Variants in SPATA22 observed in about 807,000 individuals in gnomAD.
The protein encoded by SPATA22 is spermatogenesis associated 22, also known as spermatogenesis-associated protein 22.
In SPATA22, 29 loss-of-function variants were observed where a neutral mutation model predicts 47.8. The observed-to-expected ratio is 0.61, with a 90% CI of 0.45 to 0.83. The LOEUF is 0.83. SPATA22 is among the 40% of genes least tolerant of loss of function. SPATA22 has a pLI of 0.00. For missense variants in SPATA22, 410 were observed against 421.7 expected, an observed-to-expected ratio of 0.97 and a Z score of 0.24; for synonymous variants, 133 against 140.9, an observed-to-expected ratio of 0.94 and a Z score of 0.40.
chr17:3,496,922 C>T (rs1026503637), intron 1 of SPATA22, among the ~76,000 whole-genome samples: 8 of 152,056 alleles, frequency 5.3e-5, no homozygotes, highest in East Asian at 1.9e-4. Context: ...AAAAATTAGC[C>T]GGGCATGGTG....
chr17:3,467,619 A>C (rs950481741), intron 2 of SPATA22, 65 bp from the exon 3 acceptor site: 1 of 1,339,570 alleles, frequency 7.5e-7, no homozygotes, highest in African/African-American at 1.5e-5. Flanking sequence ...TTGTAAAATA[A>C]TTACTAGTAT....
intron 3 of SPATA22, among the ~76,000 whole-genome samples, chr17:3,464,813 C>G (rs529388867): frequency 8.2e-6 from 1 of 121,298 alleles, no homozygotes; most frequent in Admixed American, 9.2e-5. Flanking sequence ...GTGAGGAGCC[C>G]CTCCGCCCGG....
intron 1 of SPATA22, among the ~76,000 whole-genome samples, chr17:3,494,648 G>A (rs1308460742): frequency 6.6e-6 from 1 of 152,168 alleles, no homozygotes; most frequent in African/African-American, 2.4e-5. Context: ...TGTGCTGGCT[G>A]TGTGGACACA....
chr17:3,508,513 A>G (rs1289990201), intron 1 of SPATA22, among the ~76,000 whole-genome samples: 9 of 148,856 alleles, frequency 6.0e-5, no homozygotes, highest in Non-Finnish European at 1.2e-4. Flanking sequence ...ATGTCCAACA[A>G]TGATAGACTG....
chr17:3,507,209 T>C (rs2074049037), intron 1 of SPATA22, among the ~76,000 whole-genome samples: 1 of 152,108 alleles, frequency 6.6e-6, no homozygotes, highest in African/African-American at 2.4e-5. Context: ...AGTATGATGG[T>C]TTTGAAATAA....
At chr17:3,498,973 G>A (rs1431542483) in intron 1 of SPATA22, 2 of 1,614,012 alleles carry the variant, frequency 1.2e-6, no homozygotes, top group Non-Finnish European at 1.7e-6. Flanking sequence ...GGCGGAGACT[G>A]TACCGTGTAC....
rs2073669074 is a variant in SPATA22, at chr17:3,483,501, TTCTCTGGCTCCAC to T, written c.-73-14116_-73-14104del. On this transcript the variant is annotated intron_variant, in intron 1 of 8. Transcript: ENST00000541913. ...AAGACGTTTTTGATTTTTTTCAGAC[TTCTCTGGCTCCAC>T]TACCCTGCTACGTTTATCTGATTGA... 6.2e-7 allele frequency: 1 copy of T among 1,613,902 alleles called. No homozygotes were observed. Among genetic ancestry groups the T allele is most frequent in the Middle Eastern group, 1.6e-4 (1 of 6,062 alleles).
chr17:3,496,255 T>C (rs2073905866), intron 1 of SPATA22, among the ~76,000 whole-genome samples: 1 of 152,236 alleles, frequency 6.6e-6, no homozygotes, highest in Non-Finnish European at 1.5e-5. Context: ...AGGTTCCTCA[T>C]GGAGCTTCCA....
intron 1 of SPATA22, among the ~76,000 whole-genome samples, chr17:3,491,816 G>C (rs2073830366): frequency 6.6e-6 from 1 of 151,670 alleles, no homozygotes; most frequent in African/African-American, 2.4e-5. Context: ...GTGACCCAGA[G>C]GGCAGAAGAG....
chr17:3,480,438 T>A (rs1401144840), intron 1 of SPATA22, among the ~76,000 whole-genome samples: 1 of 152,084 alleles, frequency 6.6e-6, no homozygotes, highest in Non-Finnish European at 1.5e-5. Context: ...TCATAGGGAG[T>A]TGGAGCTGTC....
At chr17:3,513,673 C>T (rs1261444726) in exon 1 of SPATA22, 2 of 425,312 alleles carry the variant, frequency 4.7e-6, no homozygotes, top group Admixed American at 7.6e-5. Context: ...CTCCAGACTG[C>T]TGCTGGCTGT....
At chr17:3,443,050 A>C in intron 8 of SPATA22, 124 bp downstream of exon 8, 1 of 659,162 alleles carries the variant, frequency 1.5e-6, no homozygotes, top group East Asian at 3.0e-5. Flanking sequence ...CTTTCATATC[A>C]GAACTAAAAC....
At chr17:3,505,282 T>A (rs11653068) in intron 1 of SPATA22, among the ~76,000 whole-genome samples, 1 of 152,142 alleles carries the variant, frequency 6.6e-6, no homozygotes, top group Non-Finnish European at 1.5e-5. Context: ...AGTTATTGTC[T>A]GTCTCTGATT....
chr17:3,449,309 G>A (rs536057129), intron 5 of SPATA22, among the ~76,000 whole-genome samples, 160 bp from the exon 6 acceptor site: 8 of 152,188 alleles, frequency 5.3e-5, no homozygotes, highest in Admixed American at 3.9e-4. Flanking sequence ...ACCCTACAAT[G>A]TTGTACTACC....
At chr17:3,446,449 T>C in intron 7 of SPATA22, 23 bp downstream of exon 7, 1 of 1,592,346 alleles carries the variant, frequency 6.3e-7, no homozygotes, top group Non-Finnish European at 8.5e-7. Flanking sequence ...ATTACTGAAG[T>C]ATTTTTAAAG....
upstream of SPATA22, among the ~76,000 whole-genome samples, chr17:3,472,629 A>G (rs889009233): frequency 3.3e-5 from 5 of 152,222 alleles, no homozygotes; most frequent in African/African-American, 1.2e-4. Context: ...TTTATCCGGA[A>G]CTTACTATGG....
At chr17:3,483,429 G>T in intron 1 of SPATA22, 1 of 1,317,356 alleles carries the variant, frequency 7.6e-7, no homozygotes, top group South Asian at 1.2e-5. Flanking sequence ...AGGTATTATT[G>T]ACTCTGTTGA....
At chr17:3,455,537 AT>A (rs1211577961) in intron 5 of SPATA22, among the ~76,000 whole-genome samples, 1 of 143,032 alleles carries the variant, frequency 7.0e-6, no homozygotes, top group Non-Finnish European at 1.5e-5. Context: ...TCCCAGCACC[AT>A]TTATTAAATA....
rs1317384914 is a variant in SPATA22, at chr17:3,461,605, G to A, written c.329+878C>T. 2.0e-5 allele frequency among the ~76,000 whole-genome samples: 3 copies of A among 151,968 alleles called. No homozygotes were observed. The East Asian group carries it at 5.8e-4, about 29-fold the overall frequency. The stretch of plus-strand genomic sequence containing the variant: ...AAGAAACTGACAGACTGGTCCTGGG[G>A]AAACTAGCATGAATAATAAAATCAA... On this transcript the variant is annotated intron_variant, in intron 5 of 8. Coordinates refer to ENST00000572969, the MANE Select transcript of SPATA22 (RefSeq NM_001170698.2).
Sources: gnomAD v4.1 joint callset for allele counts (sites outside exome capture counted in the v4.1 genomes callset) on GRCh38, gnomAD v4.1.1 for gene constraint, MANE v1.5 for transcripts, NCBI Gene and HGNC (gene_info 2026-07-23, HGNC 2026-07-21) for gene names.